Variants in PHF24 observed in about 807,000 individuals in gnomAD.
PHF24 encodes the protein PHD finger protein 24.
Under a neutral mutation model 42.6 loss-of-function variants are expected in PHF24, and 25 were observed. The ratio of observed to expected loss-of-function variants is 0.59; its 90% CI spans 0.43 to 0.82. The LOEUF is 0.82. Ranked by LOEUF, PHF24 falls within the 40% of genes least tolerant of loss-of-function variation. PHF24 has a pLI of 0.00. For synonymous variants in PHF24, 185 were observed against 204.8 expected, an observed-to-expected ratio of 0.90 and a Z score of 0.83; for missense variants, 470 against 538.1, an observed-to-expected ratio of 0.87 and a Z score of 1.25.
intron 1 of PHF24, among the ~76,000 whole-genome samples, chr9:34,964,101 T>C (rs1826688066): frequency 6.6e-6 from 1 of 152,226 alleles, no homozygotes; most frequent in Non-Finnish European, 1.5e-5. Context: ...CCTCCTGATC[T>C]CAGTGAAACA....
the PHF24 span, among the ~76,000 whole-genome samples, chr9:34,730,801 C>T: frequency 6.6e-6 from 1 of 152,176 alleles, no homozygotes; most frequent in African/African-American, 2.4e-5. Context: ...AGGACTCTTC[C>T]TGGTGGGAGA....
At chr9:34,717,430 T>C in the PHF24 span, among the ~76,000 whole-genome samples, 1 of 152,158 alleles carries the variant, frequency 6.6e-6, no homozygotes, top group South Asian at 2.1e-4. Context: ...TTGTGTCTGC[T>C]ATGTCAAAGA....
At chr9:34,728,085 G>A in the PHF24 span, 1 of 1,551,836 alleles carries the variant, frequency 6.4e-7, no homozygotes, top group South Asian at 1.2e-5. Context: ...TCTCCTAGCT[G>A]AGGAACGGGG....
chr9:34,665,896 G>C, the PHF24 span: 5 of 581,546 alleles, frequency 8.6e-6, no homozygotes, highest in Admixed American at 9.4e-5. Flanking sequence ...GGGGCATTTA[G>C]GGGGCCAGGG....
the PHF24 span, among the ~76,000 whole-genome samples, chr9:34,866,053 A>G: frequency 6.6e-6 from 1 of 152,244 alleles, no homozygotes; most frequent in Non-Finnish European, 1.5e-5. Flanking sequence ...AAGTGAGGCA[A>G]TTATACAATG....
chr9:34,836,092 C>A, the PHF24 span: 1 of 521,604 alleles, frequency 1.9e-6, no homozygotes, highest in Admixed American at 2.3e-5. Flanking sequence ...GATGGAGTAG[C>A]ATCTACCTTC....
the PHF24 span, among the ~76,000 whole-genome samples, chr9:34,867,671 GT>G: frequency 6.6e-6 from 1 of 152,210 alleles, no homozygotes; most frequent in Admixed American, 6.5e-5. Flanking sequence ...TGATGCTGAT[GT>G]GAACAGTGAG....
the PHF24 span, among the ~76,000 whole-genome samples, chr9:34,730,082 G>A: frequency 2.6e-5 from 4 of 152,168 alleles, no homozygotes; most frequent in South Asian, 2.1e-4. Context: ...ACCTTCCATG[G>A]AGGCACATTC....
chr9:34,942,853 A>G, the PHF24 span, among the ~76,000 whole-genome samples: 46 of 151,220 alleles, frequency 3.0e-4, no homozygotes, highest in Admixed American at 1.1e-3. Context: ...CTGTCATGGG[A>G]TGGGGGGCAG....
the PHF24 span, among the ~76,000 whole-genome samples, chr9:34,682,685 A>G: frequency 6.6e-6 from 1 of 152,138 alleles, no homozygotes; most frequent in Non-Finnish European, 1.5e-5. Flanking sequence ...CCATCATAGA[A>G]TCCCCAAAAG....
chr9:34,685,710 A>T, the PHF24 span, among the ~76,000 whole-genome samples: 1 of 152,132 alleles, frequency 6.6e-6, no homozygotes, highest in African/African-American at 2.4e-5. Flanking sequence ...ATGATACCTC[A>T]TGGGATCGTT....
the PHF24 span, among the ~76,000 whole-genome samples, chr9:34,948,590 T>C: frequency 6.6e-6 from 1 of 152,236 alleles, no homozygotes; most frequent in African/African-American, 2.4e-5. Context: ...TACACTAATA[T>C]GGTATACAGG....
chr9:34,759,928 G>A, the PHF24 span, among the ~76,000 whole-genome samples: 1 of 152,146 alleles, frequency 6.6e-6, no homozygotes. Flanking sequence ...TTACTGGTTT[G>A]GGACTCATTG....
intron 1 of PHF24, among the ~76,000 whole-genome samples, chr9:34,959,691 T>C (rs953591265): frequency 6.6e-6 from 1 of 152,168 alleles, no homozygotes; most frequent in African/African-American, 2.4e-5. Flanking sequence ...CTTCCTTCAC[T>C]GGCAGTCCCA....
chr9:34,901,529 C>T, the PHF24 span, among the ~76,000 whole-genome samples: 4 of 152,120 alleles, frequency 2.6e-5, no homozygotes, highest in Non-Finnish European at 4.4e-5. Flanking sequence ...ATTAAAAGAG[C>T]ATTAAGAGAC....
At chr9:34,689,552 G>C in the PHF24 span, 2 of 447,704 alleles carry the variant, frequency 4.5e-6, no homozygotes, top group Non-Finnish European at 7.9e-6. This position sits in a 1 kb window ranked among gnomAD's most constrained non-coding sequence, Gnocchi z 4.1. Flanking sequence ...AAAGAAATCT[G>C]TAACAGGTTG....
At chr9:34,722,099 C>T in the PHF24 span, among the ~76,000 whole-genome samples, 50 of 152,150 alleles carry the variant, frequency 3.3e-4, no homozygotes, top group African/African-American at 1.2e-3. Context: ...TCTGTATTAT[C>T]TGAAGCCAGG....
the PHF24 span, among the ~76,000 whole-genome samples, chr9:34,816,457 G>A: frequency 1.3e-5 from 2 of 152,136 alleles, no homozygotes; most frequent in Admixed American, 1.3e-4. Context: ...GCCACAATCA[G>A]GTAGCTTATA....
the PHF24 span, among the ~76,000 whole-genome samples, chr9:34,881,322 A>G: frequency 6.6e-6 from 1 of 152,186 alleles, no homozygotes; most frequent in Non-Finnish European, 1.5e-5. Flanking sequence ...GAGCAAACAC[A>G]TTCAAAAGCT....
Sources: gnomAD v4.1 joint callset for allele counts (sites outside exome capture counted in the v4.1 genomes callset) on GRCh38, gnomAD v4.1.1 for gene constraint, Gnocchi (gnomAD v3.1) non-coding constraint, MANE v1.5 for transcripts, NCBI Gene and HGNC (gene_info 2026-07-23, HGNC 2026-07-21) for gene names.